The following NT5DC3 variants were observed in gnomAD, a reference collection of about 807,000 sequenced individuals.
NT5DC3 encodes the protein 5'-nucleotidase domain containing 3.
A neutral mutation model predicts 67.8 loss-of-function variants in NT5DC3; 42 were observed. That is an observed-to-expected ratio of 0.62 (90% CI 0.48 to 0.80). NT5DC3 has a LOEUF of 0.80. Among genes scored for constraint, NT5DC3 ranks in the 30% least tolerant of loss-of-function variants. NT5DC3 has a pLI of 0.00. For synonymous variants in NT5DC3, 237 were observed against 255.6 expected, an observed-to-expected ratio of 0.93 and a Z score of 0.69; for missense variants, 570 against 696.4, an observed-to-expected ratio of 0.82 and a Z score of 2.04.
At chr12:103,824,605 A>G (rs1887615734) in intron 1 of NT5DC3, among the ~76,000 whole-genome samples, 1 of 152,188 alleles carries the variant, frequency 6.6e-6, no homozygotes, top group Non-Finnish European at 1.5e-5. Flanking sequence ...TTTTCACTTT[A>G]TAGTTTTATT....
At chr12:103,830,324 C>G (rs1393360943) in intron 1 of NT5DC3, among the ~76,000 whole-genome samples, 1 of 152,184 alleles carries the variant, frequency 6.6e-6, no homozygotes, top group African/African-American at 2.4e-5. Flanking sequence ...TTTGTGGCTA[C>G]TTTTATGATA....
At position 103,783,355 on chromosome 12, in the gene NT5DC3, C is replaced by A. The variant is rs907006133; in HGVS notation, c.1329+1980G>T. Among the ~76,000 whole-genome samples, 3 of 152,280 alleles carry A rather than the reference C, an allele frequency of 2.0e-5. No individual in the cohort carries two copies. In the East Asian group the frequency reaches 5.8e-4, roughly 29 times the overall value. ...CAGAGGTTAAGGGTCTAGAGTCGGTCGGCCTGTGTGTAAACACCAGCATCA... is the reference window on the plus strand; with the variant it reads ...CAGAGGTTAAGGGTCTAGAGTCGGTAGGCCTGTGTGTAAACACCAGCATCA... On this transcript the variant is annotated intron_variant, in intron 12 of 13. Transcript: ENST00000392876.
the NT5DC3 span, among the ~76,000 whole-genome samples, chr12:103,758,949 A>G: frequency 5.5e-3 from 833 of 152,286 alleles, 3 homozygotes; most frequent in African/African-American, 0.019. Flanking sequence ...TCCTAGCTAT[A>G]GGTGGCCTCT....
At chr12:103,794,151 C>CTT (rs796470465) in intron 6 of NT5DC3, among the ~76,000 whole-genome samples, 154 bp from the exon 7 acceptor site, 26 of 140,016 alleles carry the variant, frequency 1.9e-4, no homozygotes, top group African/African-American at 4.7e-4. Context: ...TTTTCTTCTT[C>CTT]TTTTTTTTTT....
chr12:103,797,115 C>A, intron 5 of NT5DC3, 84 bp from the exon 6 acceptor site: 2 of 1,457,050 alleles, frequency 1.4e-6, no homozygotes, highest in South Asian at 2.4e-5. Flanking sequence ...CAGCAGGAAG[C>A]CTTTTCCGTG....
At chr12:103,764,460 T>C in the NT5DC3 span, among the ~76,000 whole-genome samples, 2 of 152,234 alleles carry the variant, frequency 1.3e-5, no homozygotes, top group African/African-American at 4.8e-5. Flanking sequence ...GGGCCTCCAC[T>C]GACATCAATC....
At chr12:103,767,475 C>T (rs77344054), downstream of NT5DC3, among the ~76,000 whole-genome samples, 14,417 of 152,098 alleles carry the variant, frequency 0.095, 941 homozygotes, top group East Asian at 0.28. Flanking sequence ...ATAGCAGTGA[C>T]GGTCGTACTA....
At chr12:103,806,998 C>A in intron 2 of NT5DC3, 69 bp from the exon 3 acceptor site, 2 of 921,504 alleles carry the variant, frequency 2.2e-6, no homozygotes, top group South Asian at 1.3e-5. Flanking sequence ...CCAGATCTGG[C>A]CCTTGTACAA....
At chr12:103,818,646 G>C (rs573496263) in intron 1 of NT5DC3, among the ~76,000 whole-genome samples, 22 of 152,190 alleles carry the variant, frequency 1.4e-4, no homozygotes, top group Admixed American at 1.4e-3. Flanking sequence ...AAAGTGCTGG[G>C]GTTACCAGCG....
chr12:103,804,854 C>T (rs996359357), intron 4 of NT5DC3, among the ~76,000 whole-genome samples: 8 of 152,184 alleles, frequency 5.3e-5, no homozygotes, highest in Non-Finnish European at 8.8e-5. Context: ...GAGTTCAAGA[C>T]CAGCCTGGCC....
chr12:103,840,388 CTCA>C (rs1888340241), intron 1 of NT5DC3, among the ~76,000 whole-genome samples: 4 of 130,142 alleles, frequency 3.1e-5, no homozygotes, highest in Non-Finnish European at 6.2e-5. Flanking sequence ...CTCATCTCAT[CTCA>C]TCTCATCTCA....
chr12:103,811,964 G>A (rs567902485), intron 2 of NT5DC3, among the ~76,000 whole-genome samples: 2 of 152,108 alleles, frequency 1.3e-5, no homozygotes, highest in South Asian at 2.1e-4. Flanking sequence ...GGTGATCAAT[G>A]GTGCCAACTA....
At chr12:103,755,726 C>T in the NT5DC3 span, 1 of 1,613,810 alleles carries the variant, frequency 6.2e-7, no homozygotes, top group Admixed American at 1.7e-5. Context: ...ACGGTATGTA[C>T]CATGTCTGCT....
chr12:103,753,178 C>A, the NT5DC3 span: 1 of 1,608,274 alleles, frequency 6.2e-7, no homozygotes, highest in East Asian at 2.2e-5. Flanking sequence ...CACTGCCAAC[C>A]TGGTGGGCTG....
chr12:103,820,828 G>A (rs1460009100), intron 1 of NT5DC3: 5 of 152,286 alleles, frequency 3.3e-5, no homozygotes, highest in Non-Finnish European at 4.4e-5. Flanking sequence ...AGGAGGGTGC[G>A]AAGGATGGAT....
At chr12:103,759,178 A>G in the NT5DC3 span, 4 of 1,614,164 alleles carry the variant, frequency 2.5e-6, no homozygotes, top group Non-Finnish European at 3.4e-6. Flanking sequence ...CAATGTCAGC[A>G]TGTTTTTCTA....
downstream of NT5DC3, chr12:103,766,052 G>T (rs1361590027): frequency 9.0e-6 from 6 of 668,292 alleles, no homozygotes; most frequent in Non-Finnish European, 1.1e-5. Context: ...AGCCGAGTTG[G>T]GATGATTTGT....
the NT5DC3 span, chr12:103,753,326 C>T: frequency 1.4e-5 from 23 of 1,614,266 alleles, no homozygotes; most frequent in African/African-American, 2.1e-4. Context: ...CCATGGCAAC[C>T]TACAACCAGC....
intron 1 of NT5DC3, among the ~76,000 whole-genome samples, chr12:103,816,967 C>CTTTTTTTTTT (rs376622215): frequency 3.4e-5 from 4 of 118,954 alleles, no homozygotes; most frequent in East Asian, 2.3e-4. Flanking sequence ...TTTCTTTTTT[C>CTTTTTTTTTT]TTTTTTTTTT....
Sources: gnomAD v4.1 joint callset for allele counts (sites outside exome capture counted in the v4.1 genomes callset) on GRCh38, gnomAD v4.1.1 for gene constraint, MANE v1.5 for transcripts, NCBI Gene and HGNC (gene_info 2026-07-23, HGNC 2026-07-21) for gene names.